GRID1: variants seen among roughly 807,000 people sequenced by gnomAD.
GRID1 encodes glutamate receptor ionotropic, delta-1.
A neutral mutation model predicts 98.0 loss-of-function variants in GRID1; 28 were observed. The observed-to-expected ratio is 0.29, with a 90% CI of 0.21 to 0.39. The LOEUF (loss-of-function observed/expected upper bound fraction) is 0.39. Among genes scored for constraint, GRID1 ranks in the 10% least tolerant of loss-of-function variants. The pLI, the probability that GRID1 is intolerant of heterozygous loss-of-function variation, is 1.00. For synonymous variants in GRID1, 553 were observed against 538.5 expected, an observed-to-expected ratio of 1.03 and a Z score of -0.37; for missense variants, 1,111 against 1,340.5, an observed-to-expected ratio of 0.83 and a Z score of 2.67.
chr10:85,983,194 A>G (rs1004696033), intron 4 of GRID1, among the ~76,000 whole-genome samples: 1 of 152,224 alleles, frequency 6.6e-6, no homozygotes, highest in Non-Finnish European at 1.5e-5. Context: ...GGATGACCGG[A>G]CAGCCTCTGT....
chr10:85,961,211 T>G (rs769251481), intron 4 of GRID1, among the ~76,000 whole-genome samples: 2 of 152,124 alleles, frequency 1.3e-5, no homozygotes, highest in Non-Finnish European at 2.9e-5. Context: ...AAACACTAAA[T>G]TGCTCCCCAA....
chr10:85,911,515 G>A (rs114171688), intron 5 of GRID1, among the ~76,000 whole-genome samples: 55 of 152,258 alleles, frequency 3.6e-4, no homozygotes, highest in African/African-American at 1.2e-3. Context: ...CCTCCTGGCC[G>A]CTGCTGACCC....
In GRID1 at chr10:86,049,223, C is replaced by T. The variant is rs78664145; in HGVS notation, c.726+89596G>A. Among the ~76,000 whole-genome samples the T allele has an allele frequency of 9.1e-4, 139 of 152,278 alleles. 4 individuals carry two copies. The East Asian group carries it at 0.02, about 21-fold the overall frequency. ...GAGCAATTGACCAGGCCTCCAGCAG[C>T]CTCTTAAGTGGCAGCCACAGCCTCA... On this transcript the variant is annotated intron_variant, in intron 4 of 15. Coordinates refer to ENST00000327946, the MANE Select transcript of GRID1 (RefSeq NM_017551.3).
At chr10:86,283,658 A>C (rs1187428834) in intron 2 of GRID1, among the ~76,000 whole-genome samples, 6 of 151,810 alleles carry the variant, frequency 4.0e-5, no homozygotes, top group African/African-American at 1.5e-4. Context: ...ACCTGCACAT[A>C]CAACCTGCCC....
chr10:85,857,445 G>C (rs890301978), intron 6 of GRID1, among the ~76,000 whole-genome samples: 1 of 152,032 alleles, frequency 6.6e-6, no homozygotes, highest in African/African-American at 2.4e-5. Flanking sequence ...CCTCCCAGGG[G>C]CCCAGCGGGA....
chr10:86,314,728 CCT>C (rs1455628897), intron 2 of GRID1, among the ~76,000 whole-genome samples: 3 of 152,182 alleles, frequency 2.0e-5, no homozygotes, highest in Admixed American at 6.5e-5. Context: ...CCAACAGTCC[CCT>C]TTCCCAGCAC....
At chr10:85,860,410 G>C (rs764347334) in intron 6 of GRID1, among the ~76,000 whole-genome samples, 3 of 152,188 alleles carry the variant, frequency 2.0e-5, no homozygotes, top group Non-Finnish European at 4.4e-5. Context: ...GAGAGACCTG[G>C]CTGCAAAGCA....
chr10:85,778,494 C>T (rs751462027), intron 8 of GRID1, among the ~76,000 whole-genome samples: 8 of 152,132 alleles, frequency 5.3e-5, no homozygotes, highest in Non-Finnish European at 1.0e-4. Context: ...ATCATTATAG[C>T]GCCCCAGGAT....
At chr10:86,115,812 C>G (rs1240505196) in intron 4 of GRID1, among the ~76,000 whole-genome samples, 1 of 152,194 alleles carries the variant, frequency 6.6e-6, no homozygotes, top group Non-Finnish European at 1.5e-5. Flanking sequence ...AACATGTGTA[C>G]GATCAGGCAC....
chr10:85,670,492 T>C (rs1841072721), intron 12 of GRID1, among the ~76,000 whole-genome samples: 1 of 151,976 alleles, frequency 6.6e-6, no homozygotes, highest in Non-Finnish European at 1.5e-5. Context: ...AGAAAAAGGG[T>C]CAGAAATGAT....
At chr10:86,254,888 G>A (rs1158131436) in intron 2 of GRID1, among the ~76,000 whole-genome samples, 1 of 152,204 alleles carries the variant, frequency 6.6e-6, no homozygotes, top group Non-Finnish European at 1.5e-5. Flanking sequence ...GGCCTTGCCT[G>A]AGGGACCCTC....
At chr10:85,827,940 C>G (rs1205850045) in intron 8 of GRID1, among the ~76,000 whole-genome samples, 1 of 152,076 alleles carries the variant, frequency 6.6e-6, no homozygotes, top group African/African-American at 2.4e-5. Flanking sequence ...ATGGACCTAA[C>G]AGATATCTAC....
At chr10:85,991,825 A>T (rs1842684017) in intron 4 of GRID1, among the ~76,000 whole-genome samples, 1 of 152,152 alleles carries the variant, frequency 6.6e-6, no homozygotes, top group Non-Finnish European at 1.5e-5. Context: ...CAAAATCAGG[A>T]GAAACAGAGC....
chr10:86,363,794 A>C, intron 2 of GRID1, 147 bp downstream of exon 2: 1 of 655,796 alleles, frequency 1.5e-6, no homozygotes, highest in Non-Finnish European at 2.5e-6. Context: ...TGGGCCGGGG[A>C]AGGCGCGCCA....
intron 4 of GRID1, among the ~76,000 whole-genome samples, chr10:86,100,101 G>A (rs1011224294): frequency 6.6e-6 from 1 of 152,180 alleles, no homozygotes; most frequent in Admixed American, 6.5e-5. Context: ...CTCACCAAGT[G>A]ACTCTGGGCA....
chr10:86,343,966 C>T (rs1848346741), intron 2 of GRID1, among the ~76,000 whole-genome samples: 1 of 152,264 alleles, frequency 6.6e-6, no homozygotes, highest in South Asian at 2.1e-4. Context: ...CGTGGCCACG[C>T]CTGGCCCTTG....
chr10:86,138,772 G>T, intron 4 of GRID1, 47 bp downstream of exon 4: 1 of 1,485,220 alleles, frequency 6.7e-7, no homozygotes. Context: ...ATCTTCTGCA[G>T]AGCCCTGGGC....
intron 4 of GRID1, among the ~76,000 whole-genome samples, chr10:85,941,187 G>A (rs533971085): frequency 2.2e-3 from 342 of 152,168 alleles, no homozygotes; most frequent in Non-Finnish European, 4.2e-3. Context: ...GGTGTCCTTG[G>A]GTAAGTTATT....
chr10:86,044,528 G>T (rs561983947), intron 4 of GRID1, among the ~76,000 whole-genome samples: 2 of 152,174 alleles, frequency 1.3e-5, no homozygotes, highest in South Asian at 4.1e-4. Flanking sequence ...CATGTCCACC[G>T]AGGGTGAATT....
Sources: gnomAD v4.1 joint callset for allele counts (sites outside exome capture counted in the v4.1 genomes callset) on GRCh38, gnomAD v4.1.1 for gene constraint, MANE v1.5 for transcripts, NCBI Gene and HGNC (gene_info 2026-07-23, HGNC 2026-07-21) for gene names.